Variants in WWOX observed in about 807,000 individuals in gnomAD.
WWOX encodes the protein WW domain-containing oxidoreductase.
WWOX carries 69 observed loss-of-function variants against 46.2 expected under a neutral mutation model. That is an observed-to-expected ratio of 1.49 (90% CI 1.23 to 1.82). The LOEUF is 1.82. WWOX is among the 40% of genes most tolerant of loss of function. The pLI is 0.00. For synonymous variants in WWOX, 359 were observed against 202.6 expected (o/e 1.77, Z -6.56); for missense variants, 919 against 542.6 (o/e 1.69, Z -6.89).
intron 5 of WWOX, among the ~76,000 whole-genome samples, chr16:78,354,425 A>G (rs556232080): frequency 6.0e-5 from 9 of 151,092 alleles, no homozygotes; most frequent in African/African-American, 7.3e-5. Context: ...ATTAATGCCA[A>G]TGAAGCCCGT....
chr16:78,153,999 C>G (rs1450275456), intron 4 of WWOX, among the ~76,000 whole-genome samples: 1 of 152,098 alleles, frequency 6.6e-6, no homozygotes, highest in Non-Finnish European at 1.5e-5. Flanking sequence ...CTGTCCCCAC[C>G]TGTCCAACCT....
chr16:78,433,831 C>G (rs539864692), intron 8 of WWOX, among the ~76,000 whole-genome samples: 5 of 140,906 alleles, frequency 3.5e-5, no homozygotes, highest in Non-Finnish European at 6.0e-5. Context: ...GCTCTGTCGC[C>G]CAGGCTGGAG....
chr16:79,078,828 G>A (rs115648812), intron 8 of WWOX, among the ~76,000 whole-genome samples: 2 of 152,068 alleles, frequency 1.3e-5, no homozygotes, highest in East Asian at 1.9e-4. Context: ...TATCCCTAAC[G>A]GTTAAAGTGA....
At chr16:78,777,944 C>G (rs915842884) in intron 8 of WWOX, among the ~76,000 whole-genome samples, 1 of 147,608 alleles carries the variant, frequency 6.8e-6, no homozygotes. Flanking sequence ...GCTCAGAATG[C>G]TAAGGTAGGA....
At chr16:78,697,302 C>T (rs7186568) in intron 8 of WWOX, among the ~76,000 whole-genome samples, 151,535 of 152,316 alleles carry the variant, frequency 0.99, 75,381 homozygotes, top group Middle Eastern at 1. Context: ...GTGTTCCCTG[C>T]TCACCGCATT....
intron 8 of WWOX, among the ~76,000 whole-genome samples, chr16:78,946,306 C>T (rs147485164): frequency 1.3e-5 from 2 of 152,132 alleles, no homozygotes; most frequent in Non-Finnish European, 2.9e-5. Flanking sequence ...TCTCCTGTCT[C>T]AGTCTCCCAA....
In WWOX at chr16:78,599,068, C is replaced by T. The variant is rs183944010; in HGVS notation, c.1056+166316C>T. 2.6e-5 allele frequency among the ~76,000 whole-genome samples: 4 copies of T among 152,246 alleles called. No individual in the cohort carries two copies. The East Asian group carries it at 7.7e-4, about 29-fold the overall frequency. On this transcript the variant is annotated intron_variant, in intron 8 of 8. Coordinates refer to ENST00000566780, the MANE Select transcript of WWOX (RefSeq NM_016373.4). ...GGACTTTGGGGCTCACAGTTTGTTT[C>T]ATGTCAGGAAGGTGTCCGATCAGAA...
At chr16:78,150,309 G>A (rs2034357592) in intron 4 of WWOX, among the ~76,000 whole-genome samples, 1 of 152,168 alleles carries the variant, frequency 6.6e-6, no homozygotes, top group South Asian at 2.1e-4. Flanking sequence ...CTCCCGGCAT[G>A]CCCCTCTCCA....
At chr16:78,179,104 T>C (rs1488985105) in intron 5 of WWOX, among the ~76,000 whole-genome samples, 4 of 152,266 alleles carry the variant, frequency 2.6e-5, no homozygotes, top group East Asian at 3.9e-4. Flanking sequence ...ATAGACATTT[T>C]TGGGGAGACA....
chr16:78,099,847 G>C lies in WWOX; in HGVS notation c.69G>C (p.Glu23Asp). The stretch of plus-strand genomic sequence containing the variant: ...AGGACGAGCTGCCTCCGGGCTGGGA[G>C]GAGAGAACCACCAAGGACGGCTGGG... The part of the protein sequence containing the change: ...DSEDELPPGW[E>D]ERTTKDGWVY... Residue 23 changes from glutamate (E) to aspartate (D), a missense_variant, in exon 1 of 9, where the codon GAG (glutamate) becomes GAC (aspartate). Physicochemically the swap from Glu to Asp is conservative, Grantham distance 45. Coordinates refer to ENST00000566780, the MANE Select transcript of WWOX (RefSeq NM_016373.4). 6.3e-7 allele frequency: 1 copy of C among 1,581,982 alleles called. No individual in the cohort carries two copies. Among genetic ancestry groups the C allele is most frequent in the Middle Eastern group, 1.7e-4 (1 of 5,888 alleles).
At chr16:78,849,976 G>A (rs2052400895) in intron 8 of WWOX, among the ~76,000 whole-genome samples, 1 of 152,126 alleles carries the variant, frequency 6.6e-6, no homozygotes, top group Non-Finnish European at 1.5e-5. Flanking sequence ...GGAGGCTGAG[G>A]CAGGAGAATA....
intron 8 of WWOX, among the ~76,000 whole-genome samples, chr16:78,527,088 C>T (rs1209854113): frequency 2.6e-5 from 4 of 152,036 alleles, no homozygotes; most frequent in Admixed American, 2.0e-4. Flanking sequence ...CGCTTGAACC[C>T]AGGAGGTGAG....
intron 8 of WWOX, among the ~76,000 whole-genome samples, chr16:79,153,215 G>A (rs11640240): frequency 6.6e-6 from 1 of 152,142 alleles, no homozygotes; most frequent in African/African-American, 2.4e-5. Flanking sequence ...GCCCAGCGTA[G>A]TGGCTTGCGA....
chr16:79,031,247 C>T (rs574839505), intron 8 of WWOX, among the ~76,000 whole-genome samples: 128 of 152,282 alleles, frequency 8.4e-4, no homozygotes, highest in African/African-American at 2.9e-3. Context: ...CCCATCCCTG[C>T]AGAGCCCACG....
chr16:78,829,078 C>T (rs546904717), intron 8 of WWOX, among the ~76,000 whole-genome samples: 1 of 146,950 alleles, frequency 6.8e-6, no homozygotes, highest in Admixed American at 6.8e-5. Context: ...AGTCAGGGTC[C>T]ATCTGGAAGA....
intron 8 of WWOX, among the ~76,000 whole-genome samples, chr16:78,647,526 G>T (rs1051495845): frequency 1.3e-5 from 2 of 152,194 alleles, no homozygotes; most frequent in Non-Finnish European, 2.9e-5. Flanking sequence ...GATGTCTGAG[G>T]TATGCTAAGC....
chr16:78,507,241 A>G (rs2085231098), intron 8 of WWOX, among the ~76,000 whole-genome samples: 1 of 152,246 alleles, frequency 6.6e-6, no homozygotes, highest in Non-Finnish European at 1.5e-5. Flanking sequence ...GCAGTAATAT[A>G]TAAACGTAAA....
chr16:78,210,268 G>T (rs2036517209), intron 5 of WWOX, among the ~76,000 whole-genome samples: 1 of 152,192 alleles, frequency 6.6e-6, no homozygotes, highest in African/African-American at 2.4e-5. Flanking sequence ...ATATTGAAGA[G>T]CTCTTAATTG....
intron 8 of WWOX, among the ~76,000 whole-genome samples, chr16:78,556,213 C>G (rs1028607034): frequency 2.7e-5 from 4 of 150,902 alleles, no homozygotes; most frequent in Non-Finnish European, 4.4e-5. Context: ...TATCGTGCAT[C>G]AGATGCAAGG....
Sources: gnomAD v4.1 joint callset for allele counts (sites outside exome capture counted in the v4.1 genomes callset) on GRCh38, gnomAD v4.1.1 for gene constraint, MANE v1.5 for transcripts, NCBI Gene and HGNC (gene_info 2026-07-23, HGNC 2026-07-21) for gene names.